XPO4: variants seen among roughly 807,000 people sequenced by gnomAD.
The protein encoded by XPO4 is exportin 4, also known as exportin-4.
A neutral mutation model predicts 143.0 loss-of-function variants in XPO4; 39 were observed. The observed-to-expected ratio is 0.27, with a 90% CI of 0.21 to 0.36. The LOEUF (loss-of-function observed/expected upper bound fraction) is 0.36, where lower values mean the gene tolerates loss of function less well. Among genes scored for constraint, XPO4 ranks in the 10% least tolerant of loss-of-function variants. XPO4 has a pLI of 1.00. For synonymous variants in XPO4, 439 were observed against 474.0 expected (o/e 0.93, Z 0.96); for missense variants, 907 against 1,348.0 (o/e 0.67, Z 5.12).
intron 1 of XPO4, among the ~76,000 whole-genome samples, chr13:20,887,608 A>C (rs1280882949): frequency 6.6e-6 from 1 of 152,068 alleles, no homozygotes; most frequent in Non-Finnish European, 1.5e-5. Flanking sequence ...TAATCCCAGC[A>C]CTTTGGGAGG....
intron 13 of XPO4, among the ~76,000 whole-genome samples, chr13:20,806,539 CTTTTTTTTTTTTTTTT>C (rs3056347): frequency 1.6e-5 from 1 of 61,596 alleles, no homozygotes; most frequent in African/African-American, 6.8e-5. Context: ...TTTCAGGACC[CTTTTTTTTTTTTTTTT>C]TTTTTTTTTT....
At chr13:20,805,458 G>A (rs1405516682) in intron 13 of XPO4, among the ~76,000 whole-genome samples, 3 of 152,092 alleles carry the variant, frequency 2.0e-5, no homozygotes, top group Admixed American at 6.5e-5. Context: ...CATTCTTGCT[G>A]TTCTTGAACA....
At chr13:20,826,952 A>C (rs1239824193) in intron 7 of XPO4, 115 bp downstream of exon 7, 6 of 679,016 alleles carry the variant, frequency 8.8e-6, no homozygotes, top group Non-Finnish European at 1.6e-5. Flanking sequence ...CATACTGATG[A>C]GAAGACAAGA....
At chr13:20,789,200 A>G (rs985607017) in intron 19 of XPO4, among the ~76,000 whole-genome samples, 6 of 152,200 alleles carry the variant, frequency 3.9e-5, no homozygotes, top group African/African-American at 1.4e-4. Flanking sequence ...GCAAATCAAT[A>G]TGGAGAGTTG....
chr13:20,894,793 G>A (rs1309832155), intron 1 of XPO4, among the ~76,000 whole-genome samples: 1 of 151,164 alleles, frequency 6.6e-6, no homozygotes, highest in East Asian at 1.9e-4. Flanking sequence ...GCAGTGAGCC[G>A]AGATGGCGCC....
rs544073555 is a variant in XPO4, at chr13:20,809,036, T to C, written c.1493+47A>G. 1.8e-5 allele frequency: 29 copies of C among 1,591,724 alleles called. No homozygotes were observed. In the East Asian group the frequency reaches 6.3e-4, roughly 34 times the overall value. ...ACTTTAAGTGCTCTCCAGGGAATTG[T>C]GAATAGAGAATATTTGCTCCATGGG... On this transcript the variant is annotated intron_variant, in intron 11 of 22. Coordinates refer to ENST00000255305, the MANE Select transcript of XPO4 (RefSeq NM_022459.5).
intron 18 of XPO4, among the ~76,000 whole-genome samples, chr13:20,791,906 A>T (rs2059283958): frequency 6.6e-6 from 1 of 152,240 alleles, no homozygotes; most frequent in South Asian, 2.1e-4. Flanking sequence ...TCTGGTTGGA[A>T]GAATCTCCTG....
chr13:20,883,930 G>A (rs1020860396), intron 1 of XPO4, among the ~76,000 whole-genome samples: 7 of 152,134 alleles, frequency 4.6e-5, no homozygotes, highest in African/African-American at 1.7e-4. Context: ...ACCACACACA[G>A]CTAATTTTGT....
At chr13:20,875,359 C>T (rs2060341128) in intron 1 of XPO4, among the ~76,000 whole-genome samples, 1 of 152,138 alleles carries the variant, frequency 6.6e-6, no homozygotes, top group South Asian at 2.1e-4. Flanking sequence ...GCCTTTCTAG[C>T]AAAACAAATT....
chr13:20,796,030 A>G, intron 18 of XPO4, 46 bp downstream of exon 18: 1 of 1,525,446 alleles, frequency 6.6e-7, no homozygotes, highest in Non-Finnish European at 8.9e-7. Context: ...ATTTAATAAA[A>G]AGGAGGATAA....
intron 1 of XPO4, among the ~76,000 whole-genome samples, chr13:20,891,951 G>A (rs1018202547): frequency 9.2e-5 from 14 of 151,840 alleles, no homozygotes; most frequent in Admixed American, 2.6e-4. Flanking sequence ...ACCCAGGGAA[G>A]TGGAGCTACA....
At chr13:20,850,034 A>G in intron 4 of XPO4, 5 of 816,652 alleles carry the variant, frequency 6.1e-6, no homozygotes, top group Non-Finnish European at 7.4e-6. Context: ...TAAACCCAGG[A>G]GGCGGAGGTT....
chr13:20,831,229 TA>T (rs1450349301), intron 6 of XPO4, among the ~76,000 whole-genome samples: 3 of 152,118 alleles, frequency 2.0e-5, no homozygotes, highest in African/African-American at 7.2e-5. Flanking sequence ...CTTAAAGCAA[TA>T]TTTTAAAAAT....
chr13:20,846,663 A>G (rs1267447999), intron 4 of XPO4, among the ~76,000 whole-genome samples: 2 of 152,220 alleles, frequency 1.3e-5, no homozygotes, highest in Admixed American at 6.5e-5. Context: ...CTATCTTAGA[A>G]AAACTAGAAA....
chr13:20,890,401 T>C (rs2060500579), intron 1 of XPO4, among the ~76,000 whole-genome samples: 2 of 151,364 alleles, frequency 1.3e-5, no homozygotes, highest in Admixed American at 1.3e-4. Flanking sequence ...AGTGAGCTGC[T>C]ATTGTGCTGC....
At chr13:20,896,206 G>A (rs1366661462) in intron 1 of XPO4, among the ~76,000 whole-genome samples, 3 of 152,076 alleles carry the variant, frequency 2.0e-5, no homozygotes, top group Admixed American at 6.6e-5. Flanking sequence ...GCTACATCAA[G>A]TCCCCAAACC....
chr13:20,870,167 C>T (rs898906458), intron 1 of XPO4, among the ~76,000 whole-genome samples: 1 of 151,472 alleles, frequency 6.6e-6, no homozygotes, highest in African/African-American at 2.4e-5. Flanking sequence ...GTGGCTCACA[C>T]CTGTAATTCC....
chr13:20,858,934 ATATATATATATATATG>A, intron 3 of XPO4, among the ~76,000 whole-genome samples: 2 of 146,570 alleles, frequency 1.4e-5, no homozygotes, highest in Middle Eastern at 7.3e-3. Flanking sequence ...ATATATATAT[ATATATATATATATATG>A]TGAGCTATTT....
intron 6 of XPO4, among the ~76,000 whole-genome samples, chr13:20,841,332 G>A (rs1201173866): frequency 6.6e-6 from 1 of 151,438 alleles, no homozygotes; most frequent in Non-Finnish European, 1.5e-5. Context: ...TGGCTCCCCT[G>A]AATAAAGCCT....
Sources: gnomAD v4.1 joint callset for allele counts (sites outside exome capture counted in the v4.1 genomes callset) on GRCh38, gnomAD v4.1.1 for gene constraint, MANE v1.5 for transcripts, NCBI Gene and HGNC (gene_info 2026-07-23, HGNC 2026-07-21) for gene names.